The following KYNU variants were observed in gnomAD, a reference collection of about 807,000 sequenced individuals.
KYNU encodes the protein kynureninase, also known as L-kynurenine hydrolase.
KYNU carries 54 observed loss-of-function variants against 59.2 expected under a neutral mutation model. The ratio of observed to expected loss-of-function variants is 0.91; its 90% confidence interval spans 0.73 to 1.14. The LOEUF (loss-of-function observed/expected upper bound fraction) is 1.14, where lower values mean the gene tolerates loss of function less well. Among genes scored for constraint, KYNU ranks in the 50% most tolerant of loss-of-function variants. The pLI is 0.00. For synonymous variants in KYNU, 177 were observed against 192.0 expected, an observed-to-expected ratio of 0.92 and a Z score of 0.65; for missense variants, 567 against 554.4, an observed-to-expected ratio of 1.02 and a Z score of -0.23.
In KYNU at chr2:142,954,816, A is replaced by G. The variant is rs1038247589; in HGVS notation, c.380A>G (p.Asn127Ser). The change falls in exon 5 of 14, where the codon AAT becomes AGT. Residue 127 changes from asparagine to serine, a missense_variant. Transcript: ENST00000264170. ...VGLMKDIVGA[N>S]EKEIALMNAL... ...CGATATGTTTATTTTACAGGAGCCA[A>G]TGAGAAAGAAATAGCCCTAATGAAT... 36 of 1,596,828 alleles carry G rather than the reference A, an allele frequency of 2.3e-5. No individual in the cohort carries two copies. The highest frequency in any genetic ancestry group is 2.9e-5 in the Non-Finnish European group (34 of 1,164,774).
At chr2:142,901,518 G>A (rs1682088141) in intron 2 of KYNU, among the ~76,000 whole-genome samples, 1 of 152,092 alleles carries the variant, frequency 6.6e-6, no homozygotes, top group East Asian at 1.9e-4. Flanking sequence ...GACCCCGGCA[G>A]TGTAAGACTG....
chr2:142,954,758 G>A, intron 4 of KYNU, 52 bp from the exon 5 acceptor site: 1 of 1,217,122 alleles, frequency 8.2e-7, no homozygotes, highest in Non-Finnish European at 1.2e-6. Context: ...TGTTTTTTCA[G>A]TATCTTTAGA....
chr2:143,042,403 A>G lies in KYNU; in HGVS notation c.*231A>G. 4.4e-6 allele frequency: 2 copies of G among 451,534 alleles called. No individual in the cohort carries two copies. Among genetic ancestry groups the G allele is most frequent in the Non-Finnish European group, 8.1e-6 (2 of 248,184 alleles). 28.0% of individuals were successfully genotyped at this position (451,534 alleles called of 1,614,324 possible). A position where few individuals can be genotyped will look rare whatever the true frequency, so the allele number is the denominator to read the frequency against. Reference sequence around the variant, plus strand: ...TGGGGGACCAAAACTGTGTTGGTTCAAGTATTATCTATACAGTCTCTATAA... The same window carrying G: ...TGGGGGACCAAAACTGTGTTGGTTCGAGTATTATCTATACAGTCTCTATAA... On this transcript the variant is annotated 3_prime_UTR_variant, in exon 14 of 14. Transcript: ENST00000264170.
chr2:142,879,325 A>G (rs75386318), intron 1 of KYNU: 9,131 of 152,290 alleles, frequency 0.06, 370 homozygotes, highest in East Asian at 0.22. Flanking sequence ...TATGCCCATC[A>G]GGTATCTCAA....
chr2:142,934,059 G>A (rs1419049769), intron 4 of KYNU, among the ~76,000 whole-genome samples: 1 of 152,230 alleles, frequency 6.6e-6, no homozygotes, highest in African/African-American at 2.4e-5. Flanking sequence ...TAATGAGCCT[G>A]AGGTCCTGGA....
rs62169916 is a variant in KYNU at position 142,998,467 on chromosome 2, G to A, written c.902+12446G>A. ...TCCTAGATTCTGTGCAATGTATTTCGTGTTTAAATGTTGTTTTGAAATAAT... is the reference window on the plus strand; with the variant it reads ...TCCTAGATTCTGTGCAATGTATTTCATGTTTAAATGTTGTTTTGAAATAAT... On this transcript the variant is annotated intron_variant, in intron 10 of 13. Transcript: ENST00000264170. 5.3e-5 allele frequency among the ~76,000 whole-genome samples: 8 copies of A among 152,180 alleles called. No homozygotes were observed. The South Asian group carries it at 8.3e-4, about 16-fold the overall frequency.
chr2:142,933,007 G>C (rs1474531048), intron 4 of KYNU, among the ~76,000 whole-genome samples: 1 of 152,178 alleles, frequency 6.6e-6, no homozygotes, highest in Non-Finnish European at 1.5e-5. Flanking sequence ...TCTATGAATA[G>C]AGCATACAGT....
chr2:142,975,679 C>T (rs567550703), intron 8 of KYNU, among the ~76,000 whole-genome samples: 2 of 152,324 alleles, frequency 1.3e-5, no homozygotes, highest in East Asian at 3.9e-4. Context: ...GGTCGCAAAT[C>T]CTCTGAAGGG....
intron 2 of KYNU, among the ~76,000 whole-genome samples, chr2:142,894,571 C>A (rs115031864): frequency 0.013 from 1,983 of 152,256 alleles, 24 homozygotes; most frequent in Non-Finnish European, 0.021. Context: ...AAAACTGCCT[C>A]GTACCCCCTT....
intron 2 of KYNU, among the ~76,000 whole-genome samples, chr2:142,916,643 C>A (rs1193092377): frequency 6.6e-6 from 1 of 152,184 alleles, no homozygotes; most frequent in African/African-American, 2.4e-5. Flanking sequence ...CAGAGTAGAT[C>A]TGGACAGTAT....
At chr2:142,912,386 T>TTTTTTTTTTTG in intron 2 of KYNU, among the ~76,000 whole-genome samples, 1 of 136,230 alleles carries the variant, frequency 7.3e-6, no homozygotes, top group Non-Finnish European at 1.6e-5. Flanking sequence ...TTTTTTTTTT[T>TTTTTTTTTTTG]TTTTTTTTTT....
intron 3 of KYNU, 139 bp downstream of exon 3, chr2:142,918,868 C>A: frequency 1.1e-6 from 1 of 944,644 alleles, no homozygotes; most frequent in Non-Finnish European, 1.6e-6. Context: ...GGATTAGTTC[C>A]AGGGCCTCCC....
intron 2 of KYNU, among the ~76,000 whole-genome samples, chr2:142,896,289 C>T (rs983552119): frequency 6.6e-6 from 1 of 152,146 alleles, no homozygotes; most frequent in Admixed American, 6.5e-5. Flanking sequence ...CCATATTCAC[C>T]CCCAGTTGGT....
intron 2 of KYNU, among the ~76,000 whole-genome samples, chr2:142,911,393 T>A (rs1682475500): frequency 1.3e-5 from 2 of 152,196 alleles, no homozygotes; most frequent in Admixed American, 6.5e-5. Context: ...ATGCTCCTGA[T>A]TTTTTAATGT....
chr2:142,915,919 A>T (rs772751743), intron 2 of KYNU, among the ~76,000 whole-genome samples: 21 of 152,082 alleles, frequency 1.4e-4, no homozygotes, highest in Non-Finnish European at 2.6e-4. Context: ...GTGGGCCCTA[A>T]TTCAATATGT....
At chr2:142,878,570 A>G (rs1157300292) in intron 1 of KYNU, among the ~76,000 whole-genome samples, 2 of 152,194 alleles carry the variant, frequency 1.3e-5, no homozygotes, top group African/African-American at 4.8e-5. Flanking sequence ...TATTTCAGGC[A>G]TGAATGTGAA....
At chr2:143,041,132 G>A (rs1687030616) in intron 13 of KYNU, among the ~76,000 whole-genome samples, 2 of 152,024 alleles carry the variant, frequency 1.3e-5, no homozygotes, top group African/African-American at 4.8e-5. Context: ...CACTTCTCAG[G>A]AGTGGTAACA....
Position 143,049,725 on chromosome 2 carries a change from C to T in KYNU, c.*7553C>T, listed in dbSNP as rs1687233084. ...GATCTAAGTCAGCATTTTCTTTATTCTTAATCACAACTAGTTGATAGTCCA... is the reference window on the plus strand; with the variant it reads ...GATCTAAGTCAGCATTTTCTTTATTTTTAATCACAACTAGTTGATAGTCCA... On this transcript the variant is annotated 3_prime_UTR_variant, in exon 14 of 14. Transcript: ENST00000264170. 6.6e-6 allele frequency: 1 copy of T among 152,150 alleles called. No homozygotes were observed. Among genetic ancestry groups the T allele is most frequent in the Admixed American group, 6.5e-5 (1 of 15,270 alleles). 9.4% of individuals were successfully genotyped at this position (152,150 alleles called of 1,614,324 possible).
chr2:142,979,461 T>C (rs1684988839), intron 8 of KYNU, among the ~76,000 whole-genome samples: 1 of 152,090 alleles, frequency 6.6e-6, no homozygotes, highest in Non-Finnish European at 1.5e-5. Context: ...AACAGGGCAG[T>C]AGAATAAGAG....
Sources: allele counts gnomAD v4.1 joint callset (sites outside exome capture counted in the v4.1 genomes callset), GRCh38; gene constraint gnomAD v4.1.1; transcripts MANE v1.5; gene names NCBI Gene and HGNC (gene_info 2026-07-23, HGNC 2026-07-21).